Variants in TAFA4 observed in about 807,000 individuals in gnomAD.
The protein encoded by TAFA4 is chemokine-like protein TAFA-4.
In TAFA4, 20 loss-of-function variants were observed where a neutral mutation model predicts 21.1. That is an observed-to-expected ratio of 0.95 (90% CI 0.67 to 1.38). The LOEUF (loss-of-function observed/expected upper bound fraction) is 1.38, where lower values mean the gene tolerates loss of function less well. Ranked by LOEUF, TAFA4 falls within the 40% of genes most tolerant of loss-of-function variation. The pLI is 0.00. For synonymous variants in TAFA4, 71 were observed against 67.4 expected, an observed-to-expected ratio of 1.05 and a Z score of -0.26; for missense variants, 211 against 180.9, an observed-to-expected ratio of 1.17 and a Z score of -0.95.
chr3:68,863,660 T>C (rs1236032481), intron 3 of TAFA4, among the ~76,000 whole-genome samples: 1 of 152,172 alleles, frequency 6.6e-6, no homozygotes, highest in African/African-American at 2.4e-5. Context: ...GTCTTCCAGC[T>C]TCTGGGTTGA....
chr3:68,868,576 C>T (rs74904355), intron 3 of TAFA4, among the ~76,000 whole-genome samples: 12 of 151,564 alleles, frequency 7.9e-5, no homozygotes, highest in African/African-American at 1.7e-4. Context: ...TTGGAATAAA[C>T]GTAGAAATCA....
chr3:68,827,346 A>G (rs1704273895), intron 3 of TAFA4, among the ~76,000 whole-genome samples: 1 of 152,154 alleles, frequency 6.6e-6, no homozygotes, highest in Admixed American at 6.5e-5. Context: ...CAAGAAACAT[A>G]TGTGTGCATA....
chr3:68,743,649 T>A (rs373281662), intron 4 of TAFA4, among the ~76,000 whole-genome samples: 1 of 152,006 alleles, frequency 6.6e-6, no homozygotes, highest in East Asian at 1.9e-4. Flanking sequence ...CCCTTGCAGC[T>A]TCATGGAGCT....
intron 3 of TAFA4, among the ~76,000 whole-genome samples, chr3:68,824,658 G>A (rs1258288121): frequency 1.3e-5 from 2 of 152,050 alleles, no homozygotes; most frequent in Admixed American, 6.6e-5. Context: ...CCATTATTCT[G>A]CCTACCACAC....
chr3:68,931,727 C>T (rs1045777259), intron 1 of TAFA4, among the ~76,000 whole-genome samples: 1 of 146,186 alleles, frequency 6.8e-6, no homozygotes, highest in Non-Finnish European at 1.5e-5. Context: ...CGAGCGCTCG[C>T]TGCGCCCTTC....
At chr3:68,780,858 C>T (rs1371495659) in intron 3 of TAFA4, among the ~76,000 whole-genome samples, 1 of 148,882 alleles carries the variant, frequency 6.7e-6, no homozygotes, top group Non-Finnish European at 1.5e-5. Context: ...ATTTTTAGTA[C>T]AATATGGAAT....
chr3:68,880,659 TA>T, intron 3 of TAFA4, 70 bp downstream of exon 3: 1 of 1,296,906 alleles, frequency 7.7e-7, no homozygotes, highest in Non-Finnish European at 1.1e-6. Flanking sequence ...TATCTGTGTC[TA>T]AAATGTGGAC....
intron 3 of TAFA4, among the ~76,000 whole-genome samples, chr3:68,766,904 A>T (rs188847187): frequency 6.6e-6 from 1 of 152,316 alleles, no homozygotes; most frequent in Non-Finnish European, 1.5e-5. Context: ...CAATTTTATT[A>T]TACTTATCAA....
At chr3:68,898,591 A>G (rs2106978980) in intron 1 of TAFA4, among the ~76,000 whole-genome samples, 1 of 152,344 alleles carries the variant, frequency 6.6e-6, no homozygotes, top group East Asian at 1.9e-4. Flanking sequence ...GGTTGCAGTG[A>G]GCCAAGATCG....
intron 3 of TAFA4, among the ~76,000 whole-genome samples, chr3:68,846,756 T>A (rs1001898887): frequency 6.6e-6 from 1 of 152,214 alleles, no homozygotes; most frequent in Non-Finnish European, 1.5e-5. Flanking sequence ...TTGCTAGTTT[T>A]CCTTCTAACA....
intron 1 of TAFA4, among the ~76,000 whole-genome samples, chr3:68,919,936 T>G (rs2090041693): frequency 6.6e-6 from 1 of 152,238 alleles, no homozygotes; most frequent in Non-Finnish European, 1.5e-5. Flanking sequence ...ACCAGGCAAT[T>G]ACACTTCTAC....
chr3:68,813,268 G>T lies in TAFA4; in HGVS notation c.131-60250C>A, dbSNP rs534937208. Among the ~76,000 whole-genome samples, 449 of 152,220 alleles carry T rather than the reference G, an allele frequency of 2.9e-3. 2 individuals carry two copies. The highest frequency in any genetic ancestry group is 0.01 in the African/African-American group (428 of 41,552). ...CCTAACATCACAATTAAAAGAACTA[G>T]AGAAGCAAGAGCAAACACATTCAAA... is the stretch of plus-strand genomic sequence containing the variant. On this transcript the variant is annotated intron_variant, in intron 3 of 5. Transcript: ENST00000295569.
chr3:68,755,560 T>A (rs1224887822), intron 3 of TAFA4, among the ~76,000 whole-genome samples: 1 of 152,180 alleles, frequency 6.6e-6, no homozygotes, highest in Non-Finnish European at 1.5e-5. Flanking sequence ...TATTCACACG[T>A]TTGTGCAGCC....
chr3:68,901,231 A>G (rs1016171328), intron 1 of TAFA4, among the ~76,000 whole-genome samples: 7 of 152,112 alleles, frequency 4.6e-5, no homozygotes, highest in Admixed American at 1.3e-4. Flanking sequence ...CCTGAAGGTC[A>G]TTCTATTTTT....
intron 2 of TAFA4, 91 bp from the exon 3 acceptor site, chr3:68,880,936 G>C (rs2106950607): frequency 1.1e-6 from 1 of 914,198 alleles, no homozygotes; most frequent in Non-Finnish European, 1.7e-6. Flanking sequence ...AGAAAGCAGG[G>C]GCAGATCCCT....
chr3:68,750,594 T>A (rs1265962758), intron 4 of TAFA4, among the ~76,000 whole-genome samples: 1 of 152,146 alleles, frequency 6.6e-6, no homozygotes, highest in Non-Finnish European at 1.5e-5. Context: ...TCTAGGGTGG[T>A]GGCCAAAGGG....
chr3:68,881,986 C>T (rs1442215050), intron 2 of TAFA4, among the ~76,000 whole-genome samples: 1 of 152,230 alleles, frequency 6.6e-6, no homozygotes, highest in Non-Finnish European at 1.5e-5. Flanking sequence ...AACATTCTCT[C>T]TCCGTGACCT....
At chr3:68,776,842 A>G (rs1258131947) in intron 3 of TAFA4, among the ~76,000 whole-genome samples, 1 of 152,194 alleles carries the variant, frequency 6.6e-6, no homozygotes, top group African/African-American at 2.4e-5. Context: ...GAAACCAATA[A>G]TAAGAAAATC....
At chr3:68,849,382 A>T (rs1704888395) in intron 3 of TAFA4, among the ~76,000 whole-genome samples, 1 of 152,210 alleles carries the variant, frequency 6.6e-6, no homozygotes, top group South Asian at 2.1e-4. Flanking sequence ...TCATGAGATA[A>T]CAGGTTCCAA....
Sources: gnomAD v4.1 joint callset for allele counts (sites outside exome capture counted in the v4.1 genomes callset) on GRCh38, gnomAD v4.1.1 for gene constraint, MANE v1.5 for transcripts, NCBI Gene and HGNC (gene_info 2026-07-23, HGNC 2026-07-21) for gene names.